The following LMF1 variants were observed in gnomAD, a reference collection of about 807,000 sequenced individuals.
LMF1 encodes the protein lipase maturation factor 1.
Under a neutral mutation model 60.6 loss-of-function variants are expected in LMF1, and 68 were observed. The ratio of observed to expected loss-of-function variants is 1.12; its 90% CI spans 0.92 to 1.37. LMF1 has a LOEUF of 1.37. LMF1 is among the 40% of genes most tolerant of loss of function. LMF1 has a pLI of 0.00. For synonymous variants in LMF1, 418 were observed against 324.7 expected (o/e 1.29, Z -3.09); for missense variants, 948 against 767.2 (o/e 1.24, Z -2.78).
chr16:888,162 G>C (rs1176282317), intron 5 of LMF1, among the ~76,000 whole-genome samples: 1 of 152,058 alleles, frequency 6.6e-6, no homozygotes, highest in Non-Finnish European at 1.5e-5. Flanking sequence ...TTGGGGTGCA[G>C]GGGGTGGAGC....
At chr16:981,096 C>A in intron 1 of LMF1, 2 of 368,830 alleles carry the variant, frequency 5.4e-6, no homozygotes, top group Non-Finnish European at 5.5e-6. Flanking sequence ...ATGGGCAGGG[C>A]GGCCCGGGGT....
intron 3 of LMF1, chr16:933,086 G>A (rs922666258): frequency 3.3e-5 from 5 of 152,232 alleles, no homozygotes; most frequent in Non-Finnish European, 7.3e-5. Flanking sequence ...ATAATTCCTT[G>A]CTTCTTGCTT....
intron 6 of LMF1, 56 bp from the exon 7 acceptor site, chr16:871,397 A>T: frequency 3.9e-6 from 6 of 1,532,982 alleles, no homozygotes; most frequent in Non-Finnish European, 5.4e-6. Flanking sequence ...GCCCCTGGGC[A>T]GCTGGCGCCT....
Position 966,044 on chromosome 16 carries a change from G to A in LMF1, c.193+4744C>T, listed in dbSNP as rs912158957. Among the ~76,000 whole-genome samples, 83 of 152,068 alleles carry A rather than the reference G, an allele frequency of 5.5e-4. 1 individual carries two copies. The highest frequency in any genetic ancestry group is 1.2e-4 in the Non-Finnish European group (8 of 67,994). On this transcript the variant is annotated intron_variant, in intron 1 of 10. Transcript: ENST00000262301. The stretch of plus-strand genomic sequence containing the variant: ...AGGGCTCCGGTGGTCAGCCCTGGGT[G>A]GGGTCAGGAGTCCACGAGTGATGAG...
rs2070497629 is a variant in LMF1 at position 891,827 on chromosome 16, G to C, written c.729+1180C>G. On this transcript the variant is annotated intron_variant, in intron 5 of 10. Coordinates refer to ENST00000262301, the MANE Select transcript of LMF1 (RefSeq NM_022773.4). Reference sequence around the variant, plus strand: ...GGTGTGCACAGCTTTGTTGGCGAAAGCCTCTCACACACGTGTGCCCTGCGG... The same window carrying C: ...GGTGTGCACAGCTTTGTTGGCGAAACCCTCTCACACACGTGTGCCCTGCGG... 2.6e-5 allele frequency among the ~76,000 whole-genome samples: 4 copies of C among 152,368 alleles called. No homozygotes were observed. The South Asian group carries it at 8.3e-4, about 32-fold the overall frequency.
At chr16:893,616 G>A (rs2070560184) in intron 4 of LMF1, among the ~76,000 whole-genome samples, 4 of 152,126 alleles carry the variant, frequency 2.6e-5, no homozygotes, top group Admixed American at 2.6e-4. Flanking sequence ...GGCTTCCAGG[G>A]GCCTGCAGAG....
chr16:879,695 A>G lies in LMF1; in HGVS notation c.772T>C (p.Ser258Pro). 1.9e-6 allele frequency: 3 copies of G among 1,604,500 alleles called. No homozygotes were observed. Among genetic ancestry groups the G allele is most frequent in the Non-Finnish European group, 2.6e-6 (3 of 1,175,946 alleles). Residue 258 changes from serine (S) to proline (P), a missense_variant, in exon 6 of 11, where the codon TCA (serine) becomes CCA (proline). Ser to Pro is a moderately conservative substitution (Grantham distance 74, BLOSUM62 -1). Coordinates refer to ENST00000262301, the MANE Select transcript of LMF1 (RefSeq NM_022773.4). ...TCGAAGCGATGGAACCACCAGGGTGAGTGGTGCAGGTAGTACGCCACAGGA... is the reference window on the plus strand; with the variant it reads ...TCGAAGCGATGGAACCACCAGGGTGGGTGGTGCAGGTAGTACGCCACAGGA... ...PNPVAYYLHHSPWWFHRFETL... is the reference protein window; with the variant it reads ...PNPVAYYLHHPPWWFHRFETL...
At chr16:969,662 G>A (rs2072999921) in intron 1 of LMF1, among the ~76,000 whole-genome samples, 1 of 152,240 alleles carries the variant, frequency 6.6e-6, no homozygotes, top group South Asian at 2.1e-4. Flanking sequence ...CCAACGCGTG[G>A]GCAACGCCCG....
At chr16:971,608 G>GGGGACTCA (rs2073052832), upstream of LMF1, among the ~76,000 whole-genome samples, 2 of 152,224 alleles carry the variant, frequency 1.3e-5, no homozygotes, top group African/African-American at 4.8e-5. Context: ...GGGGGAAGAG[G>GGGGACTCA]GGGACTCAGG....
chr16:977,925 A>ACCCACACGCAC (rs1555484146), intron 1 of LMF1, among the ~76,000 whole-genome samples: 1 of 140,540 alleles, frequency 7.1e-6, no homozygotes, highest in South Asian at 2.2e-4. Context: ...CACACATACC[A>ACCCACACGCAC]CACACATACA....
intron 5 of LMF1, chr16:886,974 G>A (rs956226212): frequency 5.3e-5 from 8 of 151,598 alleles, no homozygotes; most frequent in African/African-American, 1.9e-4. Flanking sequence ...AAACAGCCAG[G>A]AGACAAGGCG....
chr16:855,062 A>G, intron 10 of LMF1: 1 of 365,506 alleles, frequency 2.7e-6, no homozygotes, highest in Non-Finnish European at 5.2e-6. Flanking sequence ...CCCCAGTTTG[A>G]GCCCCAAGTG....
chr16:858,746 G>A (rs1596828666), intron 10 of LMF1, among the ~76,000 whole-genome samples: 1 of 105,088 alleles, frequency 9.5e-6, no homozygotes, highest in Non-Finnish European at 1.8e-5. Flanking sequence ...GTCTCGGGAC[G>A]GGTGTGACTG....
chr16:958,872 G>C lies in LMF1; in HGVS notation c.194-4206C>G, dbSNP rs552264218. Among the ~76,000 whole-genome samples the C allele has an allele frequency of 2.3e-3, 345 of 151,642 alleles. 1 individual carries two copies. Among genetic ancestry groups the C allele is most frequent in the African/African-American group, 8.0e-3 (331 of 41,230 alleles). On this transcript the variant is annotated intron_variant, in intron 1 of 10. Coordinates refer to ENST00000262301, the MANE Select transcript of LMF1 (RefSeq NM_022773.4). ...ACTGCACTCCAGCCTCGGCGACAGA[G>C]TAAGACTGTCTCAAAAAAAAAACCA...
At chr16:888,487 T>G (rs570959341) in intron 5 of LMF1, among the ~76,000 whole-genome samples, 1 of 152,188 alleles carries the variant, frequency 6.6e-6, no homozygotes, top group African/African-American at 2.4e-5. Context: ...ACAGCTGACT[T>G]CCTAAAACCC....
At chr16:858,768 C>T (rs867601997) in intron 10 of LMF1, among the ~76,000 whole-genome samples, 26 of 55,306 alleles carry the variant, frequency 4.7e-4, no homozygotes, top group Admixed American at 1.2e-3. Context: ...TGTCACGGGA[C>T]GGGTGTGCAG....
intron 3 of LMF1, among the ~76,000 whole-genome samples, chr16:921,334 T>C (rs2071424985): frequency 6.6e-6 from 1 of 152,222 alleles, no homozygotes; most frequent in Non-Finnish European, 1.5e-5. Context: ...ATAGCCCTTC[T>C]TGAGGGGCTG....
chr16:918,399 TG>T (rs2071337715), intron 3 of LMF1, among the ~76,000 whole-genome samples: 1 of 152,248 alleles, frequency 6.6e-6, no homozygotes, highest in South Asian at 2.1e-4. Context: ...CTATCTTTAT[TG>T]GTTTTGGATA....
intron 5 of LMF1, among the ~76,000 whole-genome samples, chr16:882,529 G>A (rs925336888): frequency 9.9e-5 from 15 of 152,228 alleles, no homozygotes; most frequent in Admixed American, 1.3e-4. Context: ...TGGACCTCCC[G>A]GCCTAGCTAT....
Sources: gnomAD v4.1 joint callset for allele counts (sites outside exome capture counted in the v4.1 genomes callset) on GRCh38, gnomAD v4.1.1 for gene constraint, MANE v1.5 for transcripts, NCBI Gene and HGNC (gene_info 2026-07-23, HGNC 2026-07-21) for gene names.